RGS7: variants seen among roughly 807,000 people sequenced by gnomAD.
RGS7 encodes regulator of G-protein signaling 7.
In RGS7, 27 loss-of-function variants were observed where a neutral mutation model predicts 81.1. The observed-to-expected ratio is 0.33, with a 90% CI of 0.25 to 0.46. The LOEUF is 0.46. Ranked by LOEUF, RGS7 falls within the 20% of genes least tolerant of loss-of-function variation. The pLI is 1.00. For missense variants in RGS7, 396 were observed against 607.4 expected (o/e 0.65, Z 3.66); for synonymous variants, 208 against 207.7 (o/e 1.00, Z -0.01).
intron 2 of RGS7, among the ~76,000 whole-genome samples, chr1:241,277,175 C>T (rs868395550): frequency 3.3e-5 from 5 of 152,242 alleles, no homozygotes; most frequent in Admixed American, 6.5e-5. Context: ...TTCTGCTCTA[C>T]ATAATTCTCT....
Position 240,962,004 on chromosome 1 carries a change from T to G in RGS7, c.226+21075A>C, listed in dbSNP as rs111497595. On this transcript the variant is annotated intron_variant, in intron 4 of 18. Coordinates refer to ENST00000440928, the MANE Select transcript of RGS7 (RefSeq NM_001364886.1). The stretch of plus-strand genomic sequence containing the variant: ...TCTGCCCTTAATTTTGCTACCTTCC[T>G]AAGTGCGACCTTATTGCAATTTGCT... 4.7e-3 allele frequency among the ~76,000 whole-genome samples: 723 copies of G among 152,274 alleles called. 4 individuals carry two copies. Among genetic ancestry groups the G allele is most frequent in the African/African-American group, 0.015 (620 of 41,566 alleles).
At chr1:241,091,757 C>T (rs1255890569) in intron 3 of RGS7, among the ~76,000 whole-genome samples, 1 of 150,152 alleles carries the variant, frequency 6.7e-6, no homozygotes, top group Non-Finnish European at 1.5e-5. Context: ...TGTGTTGGTG[C>T]ATGCCTGTAG....
intron 2 of RGS7, among the ~76,000 whole-genome samples, chr1:241,125,963 A>C (rs938049909): frequency 6.6e-6 from 1 of 152,156 alleles, no homozygotes; most frequent in Non-Finnish European, 1.5e-5. Context: ...GATGGAAGTT[A>C]AGTGACTCCC....
intron 3 of RGS7, among the ~76,000 whole-genome samples, chr1:241,025,116 T>C (rs567297295): frequency 8.5e-5 from 13 of 152,204 alleles, no homozygotes; most frequent in Non-Finnish European, 1.8e-4. Context: ...CAAATTTCAA[T>C]TTATGAAAGG....
chr1:241,108,168 G>C (rs2065254239), intron 2 of RGS7, among the ~76,000 whole-genome samples: 1 of 152,080 alleles, frequency 6.6e-6, no homozygotes, highest in African/African-American at 2.4e-5. Flanking sequence ...GCTGGGCGTA[G>C]TGACGCGCGC....
chr1:240,935,795 C>T (rs1400528142), intron 5 of RGS7, among the ~76,000 whole-genome samples: 1 of 152,172 alleles, frequency 6.6e-6, no homozygotes, highest in East Asian at 1.9e-4. Flanking sequence ...GAGAAGAAGG[C>T]TCCAAAGTCT....
chr1:240,786,737 C>T (rs1685139687), intron 18 of RGS7, among the ~76,000 whole-genome samples: 1 of 151,992 alleles, frequency 6.6e-6, no homozygotes, highest in Admixed American at 6.6e-5. Flanking sequence ...AAAAATGTGT[C>T]AAATATGGGT....
At chr1:241,265,360 GTTGATTCTGAGTA>G (rs1273470617) in intron 2 of RGS7, among the ~76,000 whole-genome samples, 2 of 152,222 alleles carry the variant, frequency 1.3e-5, no homozygotes, top group African/African-American at 4.8e-5. Context: ...GACACACGCA[GTTGATTCTGAGTA>G]TATAGAAAAT....
At chr1:240,814,560 G>A (rs1180541023) in intron 12 of RGS7, among the ~76,000 whole-genome samples, 156 bp downstream of exon 12, 1 of 152,156 alleles carries the variant, frequency 6.6e-6, no homozygotes, top group Non-Finnish European at 1.5e-5. Context: ...TTCTTTGAAA[G>A]TTTTTCTATG....
At chr1:240,849,641 C>A (rs980619204) in intron 9 of RGS7, among the ~76,000 whole-genome samples, 4 of 152,036 alleles carry the variant, frequency 2.6e-5, no homozygotes, top group African/African-American at 9.7e-5. Context: ...AGTAAGTTCC[C>A]GAGAGATCTG....
chr1:241,329,474 C>A (rs75012143), intron 2 of RGS7, among the ~76,000 whole-genome samples: 6,273 of 152,186 alleles, frequency 0.041, 416 homozygotes, highest in African/African-American at 0.14. Flanking sequence ...GGATACCCAT[C>A]ACTAATATTA....
At chr1:241,173,114 C>T (rs1163225761) in intron 2 of RGS7, among the ~76,000 whole-genome samples, 2 of 152,136 alleles carry the variant, frequency 1.3e-5, no homozygotes, top group African/African-American at 4.8e-5. Context: ...CCTAATTTTT[C>T]AGGTGCATAA....
chr1:240,839,310 T>C (rs1475141613), intron 9 of RGS7, among the ~76,000 whole-genome samples: 2 of 152,206 alleles, frequency 1.3e-5, no homozygotes, highest in Non-Finnish European at 2.9e-5. Flanking sequence ...GTCTCACATT[T>C]TAGCGAATGA....
chr1:241,132,198 A>T (rs889542383), intron 2 of RGS7: 1 of 154,698 alleles, frequency 6.5e-6, no homozygotes, highest in African/African-American at 2.4e-5. Context: ...GATCATTAAA[A>T]TGTAAAAGAA....
intron 6 of RGS7, among the ~76,000 whole-genome samples, chr1:240,913,664 A>G (rs1672119471): frequency 2.0e-5 from 3 of 152,094 alleles, no homozygotes; most frequent in Admixed American, 2.0e-4. Context: ...AAGTTATATG[A>G]AAGTCCATCA....
chr1:241,129,865 G>T (rs1373162766), intron 2 of RGS7, among the ~76,000 whole-genome samples: 1 of 152,116 alleles, frequency 6.6e-6, no homozygotes, highest in Non-Finnish European at 1.5e-5. Flanking sequence ...AGGGGTGGGG[G>T]AGGTGGCTCA....
intron 6 of RGS7, among the ~76,000 whole-genome samples, chr1:240,913,615 T>C (rs1283480533): frequency 1.3e-5 from 2 of 152,180 alleles, no homozygotes; most frequent in Non-Finnish European, 2.9e-5. Context: ...TGTTGTTTTT[T>C]GTTTTTGCTA....
chr1:241,266,424 G>A (rs1263569580), intron 2 of RGS7, among the ~76,000 whole-genome samples: 1 of 152,198 alleles, frequency 6.6e-6, no homozygotes, highest in Non-Finnish European at 1.5e-5. Context: ...GTTCGGTATT[G>A]CCAAGATCAC....
chr1:241,026,558 CA>C (rs1416212569), intron 3 of RGS7, among the ~76,000 whole-genome samples: 1 of 151,554 alleles, frequency 6.6e-6, no homozygotes, highest in Non-Finnish European at 1.5e-5. Flanking sequence ...CACTGCACTC[CA>C]GTCTGTGTGA....
Sources: allele counts gnomAD v4.1 joint callset (sites outside exome capture counted in the v4.1 genomes callset), GRCh38; gene constraint gnomAD v4.1.1; transcripts MANE v1.5; gene names NCBI Gene and HGNC (gene_info 2026-07-23, HGNC 2026-07-21).